Variants in SIPA1L3 observed in about 807,000 individuals in gnomAD.
SIPA1L3 encodes the protein signal induced proliferation associated 1 like 3.
SIPA1L3 carries 59 observed loss-of-function variants against 150.1 expected under a neutral mutation model. That is an observed-to-expected ratio of 0.39 (90% CI 0.32 to 0.49). The LOEUF (loss-of-function observed/expected upper bound fraction) is 0.49, where lower values mean the gene tolerates loss of function less well. Among genes scored for constraint, SIPA1L3 ranks in the 20% least tolerant of loss-of-function variants. The pLI, the probability that SIPA1L3 is intolerant of heterozygous loss-of-function variation, is 0.86. For missense variants in SIPA1L3, 2,211 were observed against 2,489.5 expected, an observed-to-expected ratio of 0.89 and a Z score of 2.38; for synonymous variants, 1,070 against 1,077.6, an observed-to-expected ratio of 0.99 and a Z score of 0.14.
intron 2 of SIPA1L3, among the ~76,000 whole-genome samples, chr19:38,070,606 G>A (rs1451946881): frequency 2.6e-5 from 4 of 152,228 alleles, no homozygotes; most frequent in Admixed American, 2.6e-4. Context: ...CTGGGAAATG[G>A]TGAATAAATG....
chr19:38,020,027 A>G (rs1002599283), intron 1 of SIPA1L3, among the ~76,000 whole-genome samples: 6 of 152,170 alleles, frequency 3.9e-5, no homozygotes, highest in Non-Finnish European at 5.9e-5. Context: ...CAGGAGTTCA[A>G]GACTGCAGTG....
chr19:38,174,165 G>C (rs1011847737), intron 15 of SIPA1L3, among the ~76,000 whole-genome samples: 2 of 152,248 alleles, frequency 1.3e-5, no homozygotes, highest in South Asian at 4.1e-4. Flanking sequence ...TGGAGGTAGC[G>C]AGCAGTGGCT....
intron 12 of SIPA1L3, among the ~76,000 whole-genome samples, chr19:38,144,973 T>G (rs1971673381): frequency 6.6e-6 from 1 of 152,018 alleles, no homozygotes; most frequent in Non-Finnish European, 1.5e-5. Context: ...ACAAGCAGGA[T>G]GCTGTGAAAC....
intron 1 of SIPA1L3, among the ~76,000 whole-genome samples, chr19:38,014,730 C>T (rs1568502778): frequency 6.6e-6 from 1 of 150,440 alleles, no homozygotes; most frequent in Admixed American, 6.6e-5. Flanking sequence ...AGTGCAGTGG[C>T]GCAATCTCGG....
At chr19:38,040,366 G>GTTT (rs5828001) in intron 2 of SIPA1L3, among the ~76,000 whole-genome samples, 1 of 149,638 alleles carries the variant, frequency 6.7e-6, no homozygotes, top group Non-Finnish European at 1.5e-5. Flanking sequence ...CCATTAGACA[G>GTTT]TTTTTTTTTT....
chr19:38,068,926 T>G (rs1969655939), intron 2 of SIPA1L3, among the ~76,000 whole-genome samples: 2 of 152,162 alleles, frequency 1.3e-5, no homozygotes, highest in African/African-American at 4.8e-5. Context: ...AACACACCAG[T>G]TAACACACGC....
rs1288357452 is a variant in SIPA1L3, at chr19:38,046,177, C to T, written c.-311+17021C>T. On this transcript the variant is annotated intron_variant, in intron 2 of 21. Coordinates refer to ENST00000222345, the MANE Select transcript of SIPA1L3 (RefSeq NM_015073.3). This position sits in a 1 kb window ranked among gnomAD's most constrained non-coding sequence, Gnocchi z 5.6. Reference sequence around the variant, plus strand: ...CGAGAAGGTGCCCTGGTTCTCGACTCATCAGCCTCTAGGAAAGAAGCAGCT... The same window carrying T: ...CGAGAAGGTGCCCTGGTTCTCGACTTATCAGCCTCTAGGAAAGAAGCAGCT... 1.3e-5 allele frequency among the ~76,000 whole-genome samples: 2 copies of T among 152,100 alleles called. No individual in the cohort carries two copies. The highest frequency in any genetic ancestry group is 2.9e-5 in the Non-Finnish European group (2 of 68,018).
At chr19:37,962,918 G>A (rs2046872160) in intron 1 of SIPA1L3, among the ~76,000 whole-genome samples, 1 of 152,156 alleles carries the variant, frequency 6.6e-6, no homozygotes, top group African/African-American at 2.4e-5. Flanking sequence ...TGTTTACTGA[G>A]TATCCTGGGC....
chr19:38,191,909 G>A (rs888435246), intron 16 of SIPA1L3, among the ~76,000 whole-genome samples: 10 of 152,172 alleles, frequency 6.6e-5, no homozygotes, highest in African/African-American at 2.2e-4. Context: ...CGGTGCTCAC[G>A]GCCGTGTCCC....
At chr19:38,115,330 C>T (rs1970859059) in intron 8 of SIPA1L3, among the ~76,000 whole-genome samples, 1 of 152,208 alleles carries the variant, frequency 6.6e-6, no homozygotes, top group Non-Finnish European at 1.5e-5. Flanking sequence ...CCTTCCCATT[C>T]CCTGCTGGTG....
intron 1 of SIPA1L3, among the ~76,000 whole-genome samples, chr19:37,933,549 G>T (rs2046574489): frequency 2.6e-5 from 4 of 152,194 alleles, no homozygotes; most frequent in South Asian, 4.1e-4. Flanking sequence ...GGTAGATGCG[G>T]GCTAAATTGT....
chr19:37,928,571 T>C (rs2046526613), intron 1 of SIPA1L3, among the ~76,000 whole-genome samples: 1 of 151,948 alleles, frequency 6.6e-6, no homozygotes. Context: ...TGAGTGAGAC[T>C]CCGTCTCAAA....
rs1474678898 is a variant in SIPA1L3, at chr19:38,208,196, A to T, written c.*1956A>T. ...AACAGATCTATTTAATTTGAGGTTGATGTTCTATCCAATGGCCGAAGATAG... is the reference window on the plus strand; with the variant it reads ...AACAGATCTATTTAATTTGAGGTTGTTGTTCTATCCAATGGCCGAAGATAG... On this transcript the variant is annotated 3_prime_UTR_variant, in exon 22 of 22. Transcript: ENST00000222345. 1 of 150,384 alleles carries T rather than the reference A, an allele frequency of 6.6e-6. No homozygotes were observed. Among genetic ancestry groups the T allele is most frequent in the East Asian group, 2.0e-4 (1 of 5,124 alleles). 9.3% of individuals were successfully genotyped at this position (150,384 alleles called of 1,614,324 possible).
At chr19:37,951,928 G>A (rs2046768629) in intron 1 of SIPA1L3, among the ~76,000 whole-genome samples, 1 of 149,696 alleles carries the variant, frequency 6.7e-6, no homozygotes, top group Non-Finnish European at 1.5e-5. Flanking sequence ...CCCCACTGTT[G>A]TGGAATGTCC....
intron 20 of SIPA1L3, among the ~76,000 whole-genome samples, chr19:38,202,412 AC>A (rs199984903): frequency 0.018 from 2,754 of 151,962 alleles, 76 homozygotes; most frequent in African/African-American, 0.062. Flanking sequence ...ACATGGTGAA[AC>A]CCCATCTCTA....
chr19:38,175,034 C>T (rs1374248026), intron 15 of SIPA1L3, among the ~76,000 whole-genome samples: 4 of 151,988 alleles, frequency 2.6e-5, no homozygotes, highest in African/African-American at 4.8e-5. Context: ...GTTAAAATAT[C>T]GTCTCTCAAA....
chr19:38,206,359 C>A lies in SIPA1L3; in HGVS notation c.*119C>A. 6.5e-6 allele frequency: 8 copies of A among 1,238,834 alleles called. No homozygotes were observed. The highest frequency in any genetic ancestry group is 7.7e-6 in the Non-Finnish European group (7 of 908,422). The allele number at this position is 1,238,834 out of a possible 1,614,324, so 76.7% of individuals were successfully genotyped here. A position where few individuals can be genotyped will look rare whatever the true frequency, so the allele number is the denominator to read the frequency against. On this transcript the variant is annotated 3_prime_UTR_variant, in exon 22 of 22. Coordinates refer to ENST00000222345, the MANE Select transcript of SIPA1L3 (RefSeq NM_015073.3). ...CAAGATGACCCATCCAGGGCCCTCC[C>A]CATGGACACGGAAACTCCGATGGCC...
intron 1 of SIPA1L3, among the ~76,000 whole-genome samples, chr19:37,946,713 G>C (rs1415978347): frequency 6.6e-6 from 1 of 151,758 alleles, no homozygotes; most frequent in South Asian, 2.1e-4. Context: ...ACATTCAGAG[G>C]CTTCTTAATT....
Position 38,164,405 on chromosome 19 carries a change from G to A in SIPA1L3, c.3781-74G>A, listed in dbSNP as rs1177179866. 7.0e-7 allele frequency: 1 copy of A among 1,436,066 alleles called. No individual in the cohort carries two copies. Among genetic ancestry groups the A allele is most frequent in the African/African-American group, 1.4e-5 (1 of 70,774 alleles). 89.0% of individuals were successfully genotyped at this position (1,436,066 alleles called of 1,614,324 possible). On this transcript the variant is annotated intron_variant, in intron 14 of 21. Coordinates refer to ENST00000222345, the MANE Select transcript of SIPA1L3 (RefSeq NM_015073.3). The surrounding 1 kb of genome is among the most constrained non-coding windows in gnomAD (Gnocchi z 4.1). ...TGGTCCCAGGGTTCAGGCCCAGGCA[G>A]AGGGAGGACCCGGCAAGGGAAGATG...
Sources: allele counts gnomAD v4.1 joint callset (sites outside exome capture counted in the v4.1 genomes callset), GRCh38; gene constraint gnomAD v4.1.1; non-coding constraint Gnocchi (gnomAD v3.1); transcripts MANE v1.5; gene names NCBI Gene and HGNC (gene_info 2026-07-23, HGNC 2026-07-21).